The following CCNY variants were observed in gnomAD, a reference collection of about 807,000 sequenced individuals.
The protein encoded by CCNY is cyclin Y, also known as cyclin-Y.
CCNY carries 19 observed loss-of-function variants against 42.8 expected under a neutral mutation model. That is an observed-to-expected ratio of 0.44 (90% confidence interval 0.31 to 0.65). The LOEUF is 0.65. Ranked by LOEUF, CCNY falls within the 30% of genes least tolerant of loss-of-function variation. The pLI is 0.07. For synonymous variants in CCNY, 165 were observed against 162.7 expected (o/e 1.01, Z -0.11); for missense variants, 370 against 437.3 (o/e 0.85, Z 1.37).
chr10:35,339,427 A>G (rs939335857), intron 1 of CCNY, among the ~76,000 whole-genome samples: 1 of 152,212 alleles, frequency 6.6e-6, no homozygotes, highest in African/African-American at 2.4e-5. Context: ...TAGAGTGTAT[A>G]TATATACACA....
chr10:35,371,814 C>T (rs1318386124), intron 1 of CCNY, among the ~76,000 whole-genome samples: 1 of 152,122 alleles, frequency 6.6e-6, no homozygotes, highest in African/African-American at 2.4e-5. Context: ...CCACAGAAGT[C>T]AGAGGAGGAA....
intron 1 of CCNY, among the ~76,000 whole-genome samples, chr10:35,427,791 A>G (rs1838301488): frequency 6.6e-6 from 1 of 152,200 alleles, no homozygotes; most frequent in Non-Finnish European, 1.5e-5. Flanking sequence ...AGCAGAGTGA[A>G]GTTAAACCTT....
At chr10:35,353,605 C>A (rs140125235) in intron 1 of CCNY, among the ~76,000 whole-genome samples, 1 of 152,176 alleles carries the variant, frequency 6.6e-6, no homozygotes, top group Admixed American at 6.5e-5. Flanking sequence ...TCCTCGGCTC[C>A]CCAAAGCTGG....
intron 3 of CCNY, among the ~76,000 whole-genome samples, chr10:35,277,818 G>T (rs1284958644): frequency 1.3e-5 from 2 of 152,050 alleles, no homozygotes; most frequent in African/African-American, 4.8e-5. Flanking sequence ...TATTCAGGGG[G>T]GATTTCCTCA....
At chr10:35,305,219 G>A (rs1410333568) in intron 3 of CCNY, among the ~76,000 whole-genome samples, 1 of 152,104 alleles carries the variant, frequency 6.6e-6, no homozygotes, top group Non-Finnish European at 1.5e-5. Flanking sequence ...AATGAAAATT[G>A]TCATTTTATG....
chr10:35,440,830 T>C (rs900357265), intron 1 of CCNY, among the ~76,000 whole-genome samples: 2 of 152,238 alleles, frequency 1.3e-5, no homozygotes, highest in Non-Finnish European at 2.9e-5. Context: ...TTAATTATGC[T>C]ACAAGAGAGG....
intron 1 of CCNY, among the ~76,000 whole-genome samples, chr10:35,460,789 C>G (rs1839141258): frequency 6.6e-6 from 1 of 152,182 alleles, no homozygotes; most frequent in Non-Finnish European, 1.5e-5. Context: ...TCAGTTATTT[C>G]CTCCTTTCAT....
chr10:35,351,852 G>A (rs1836436522), intron 1 of CCNY, among the ~76,000 whole-genome samples: 1 of 152,122 alleles, frequency 6.6e-6, no homozygotes, highest in African/African-American at 2.4e-5. Context: ...TCTTTGCAAA[G>A]ACCAGTGCTC....
At chr10:35,327,526 AT>A (rs1564369701) in intron 3 of CCNY, among the ~76,000 whole-genome samples, 1 of 152,200 alleles carries the variant, frequency 6.6e-6, no homozygotes, top group East Asian at 1.9e-4. Flanking sequence ...AATCAGTAAT[AT>A]TTTGTGAATG....
At chr10:35,364,190 C>T (rs747243706) in intron 1 of CCNY, among the ~76,000 whole-genome samples, 19 of 151,872 alleles carry the variant, frequency 1.3e-4, no homozygotes, top group Non-Finnish European at 2.4e-4. Context: ...GGTTTGGGAT[C>T]CTTAGATCTC....
chr10:35,481,100 A>C (rs1320564926), intron 1 of CCNY, among the ~76,000 whole-genome samples: 1 of 152,236 alleles, frequency 6.6e-6, no homozygotes, highest in African/African-American at 2.4e-5. Context: ...ATTTTCCCCC[A>C]AAAGGGTATC....
At chr10:35,462,211 T>G (rs1839171040) in intron 1 of CCNY, among the ~76,000 whole-genome samples, 1 of 152,232 alleles carries the variant, frequency 6.6e-6, no homozygotes, top group Non-Finnish European at 1.5e-5. Context: ...GTGACACCTT[T>G]GCATCCACAG....
intron 1 of CCNY, among the ~76,000 whole-genome samples, chr10:35,393,553 C>T (rs999412476): frequency 6.6e-6 from 1 of 152,194 alleles, no homozygotes; most frequent in Admixed American, 6.5e-5. Flanking sequence ...CTGGTGTTGA[C>T]CTGAAGCCCT....
intron 1 of CCNY, among the ~76,000 whole-genome samples, chr10:35,420,375 C>T (rs183606987): frequency 4.6e-5 from 7 of 152,292 alleles, no homozygotes; most frequent in Admixed American, 2.0e-4. Context: ...ACCAGGCCCA[C>T]CTGGGTTTTC....
intron 1 of CCNY, among the ~76,000 whole-genome samples, chr10:35,470,742 C>T (rs1347924425): frequency 6.6e-6 from 1 of 152,170 alleles, no homozygotes; most frequent in Non-Finnish European, 1.5e-5. Flanking sequence ...GCTCAGGCTT[C>T]CCTGGTGACA....
At position 35,547,708 on chromosome 10, in the gene CCNY, G is replaced by A. The variant is rs149968913; in HGVS notation, c.580-5311G>A. On this transcript the variant is annotated intron_variant, in intron 7 of 9. Transcript: ENST00000374704. Reference sequence around the variant, plus strand: ...CAAGAGCCTGCCGGAGCCCTGTGTGGATGCGGTCCCTTGTCGTCCCTGCAG... The same window carrying A: ...CAAGAGCCTGCCGGAGCCCTGTGTGAATGCGGTCCCTTGTCGTCCCTGCAG... Among the ~76,000 whole-genome samples the A allele has an allele frequency of 3.1e-4, 47 of 152,320 alleles. No homozygotes were observed. The East Asian group carries it at 8.7e-3, about 28-fold the overall frequency.
intron 1 of CCNY, among the ~76,000 whole-genome samples, chr10:35,401,820 A>G (rs1352418537): frequency 6.6e-6 from 1 of 152,190 alleles, no homozygotes; most frequent in African/African-American, 2.4e-5. Context: ...GGGGAGAATT[A>G]CCAAGAACCT....
chr10:35,308,045 G>A (rs1391763996), intron 3 of CCNY, among the ~76,000 whole-genome samples: 2 of 151,782 alleles, frequency 1.3e-5, no homozygotes, highest in East Asian at 3.9e-4. Context: ...TGGTACTCCT[G>A]ACCTCAAGTG....
intron 1 of CCNY, among the ~76,000 whole-genome samples, chr10:35,360,427 C>G (rs1307395297): frequency 1.3e-5 from 2 of 151,698 alleles, no homozygotes; most frequent in African/African-American, 4.8e-5. Context: ...ACTGGGACCA[C>G]AGGCATGCAC....
Sources: gnomAD v4.1 joint callset for allele counts (sites outside exome capture counted in the v4.1 genomes callset) on GRCh38, gnomAD v4.1.1 for gene constraint, MANE v1.5 for transcripts, NCBI Gene and HGNC (gene_info 2026-07-23, HGNC 2026-07-21) for gene names.